PRDX2: variants seen among roughly 807,000 people sequenced by gnomAD.
PRDX2 encodes peroxiredoxin-2.
Under a neutral mutation model 19.8 loss-of-function variants are expected in PRDX2, and 10 were observed. The ratio of observed to expected loss-of-function variants is 0.50; its 90% CI spans 0.31 to 0.86. The LOEUF (loss-of-function observed/expected upper bound fraction) is 0.86. PRDX2 is among the 40% of genes least tolerant of loss of function. PRDX2 has a pLI of 0.04. For missense variants in PRDX2, 226 were observed against 260.1 expected (o/e 0.87, Z 0.90); for synonymous variants, 118 against 108.2 (o/e 1.09, Z -0.56).
intron 5 of PRDX2, among the ~76,000 whole-genome samples, chr19:12,798,152 C>G (rs1014734516): frequency 6.6e-6 from 1 of 151,212 alleles, no homozygotes; most frequent in African/African-American, 2.4e-5. Flanking sequence ...TCACGCCATT[C>G]TCCTACCTCA....
rs574578933 is a variant in PRDX2 at position 12,800,063 on chromosome 19, C to A, written c.381-74G>T. ...GAGACAAGGAAGGGACTACCAACCA[C>A]CCGCTGCTAGCCACAGGGCTGGGGG... is the stretch of plus-strand genomic sequence containing the variant. On this transcript the variant is annotated intron_variant, in intron 4 of 5. Coordinates refer to ENST00000301522, the MANE Select transcript of PRDX2 (RefSeq NM_005809.6). 6.6e-5 allele frequency: 106 copies of A among 1,600,276 alleles called. No individual in the cohort carries two copies. The African/African-American group carries it at 1.3e-3, about 19-fold the overall frequency.
intron 5 of PRDX2, among the ~76,000 whole-genome samples, chr19:12,799,164 G>A (rs1042209321): frequency 6.6e-6 from 1 of 151,888 alleles, no homozygotes; most frequent in African/African-American, 2.4e-5. Flanking sequence ...CTCCCAAAGT[G>A]CTGGGATTAC....
rs534044309 is a variant in PRDX2, at chr19:12,797,169, G to A, written c.512-3C>T. On this transcript the variant is annotated splice_polypyrimidine_tract_variant and splice_region_variant and intron_variant, in intron 5 of 5. Transcript: ENST00000301522. Reference sequence around the variant, plus strand: ...AGGCTTCCAGCCAGCGGGACAAACTGTGGGAAGACACAAGGATGCACATGA... The same window carrying A: ...AGGCTTCCAGCCAGCGGGACAAACTATGGGAAGACACAAGGATGCACATGA... 6.2e-7 allele frequency: 1 copy of A among 1,613,688 alleles called. No individual in the cohort carries two copies. Among genetic ancestry groups the A allele is most frequent in the African/African-American group, 1.3e-5 (1 of 75,052 alleles).
chr19:12,801,118 CGGCCCCGCTTCTACCTG>C, intron 2 of PRDX2, 24 bp downstream of exon 2: 5 of 1,613,662 alleles, frequency 3.1e-6, no homozygotes, highest in Non-Finnish European at 4.2e-6. Flanking sequence ...CTCTCATGCA[CGGCCCCGCTTCTACCTG>C]GGCCCCCTCC....
At position 12,799,870 on chromosome 19, in the gene PRDX2, T is replaced by C; in HGVS notation, c.500A>G (p.Glu167Gly). The C allele has an allele frequency of 1.2e-6, 2 of 1,612,516 alleles. No homozygotes were observed. The highest frequency in any genetic ancestry group is 1.7e-6 in the Non-Finnish European group (2 of 1,179,836). Reference protein sequence around the residue: ...RLVQAFQYTDEHGEVCPAGWK... With the variant: ...RLVQAFQYTDGHGEVCPAGWK... ...GTGTATCTGCTCACCTTCCCCATGCTCGTCTGTGTACTGGAAGGCCTGGAC... is the reference window on the plus strand; with the variant it reads ...GTGTATCTGCTCACCTTCCCCATGCCCGTCTGTGTACTGGAAGGCCTGGAC... The change falls in exon 5 of 6, where the codon GAG becomes GGG. Residue 167 changes from glutamate (E) to glycine (G), a missense_variant. By Grantham distance (98) the Glu-to-Gly change is moderately conservative. Coordinates refer to ENST00000301522, the MANE Select transcript of PRDX2 (RefSeq NM_005809.6).
In PRDX2 at chr19:12,801,156, C is replaced by A; in HGVS notation, c.103+3G>T. 6.2e-7 allele frequency: 1 copy of A among 1,613,996 alleles called. No homozygotes were observed. The highest frequency in any genetic ancestry group is 1.1e-5 in the South Asian group (1 of 91,080). On this transcript the variant is annotated splice_donor_region_variant and intron_variant, in intron 2 of 5. Transcript: ENST00000301522. ...ACCTGGGCCCCCTCCGGGCGGCGCTCACCTTTGTAGTCCGACAGCTTCACC... is the reference window on the plus strand; with the variant it reads ...ACCTGGGCCCCCTCCGGGCGGCGCTAACCTTTGTAGTCCGACAGCTTCACC...
chr19:12,801,146 G>T lies in PRDX2; in HGVS notation c.103+13C>A. On this transcript the variant is annotated intron_variant, in intron 2 of 5. Coordinates refer to ENST00000301522, the MANE Select transcript of PRDX2 (RefSeq NM_005809.6). Reference sequence around the variant, plus strand: ...CCCCGCTTCTACCTGGGCCCCCTCCGGGCGGCGCTCACCTTTGTAGTCCGA... The same window carrying T: ...CCCCGCTTCTACCTGGGCCCCCTCCTGGCGGCGCTCACCTTTGTAGTCCGA... 1 of 1,613,898 alleles carries T rather than the reference G, an allele frequency of 6.2e-7. No homozygotes were observed. Among genetic ancestry groups the T allele is most frequent in the Non-Finnish European group, 8.5e-7 (1 of 1,179,982 alleles).
Position 12,800,162 on chromosome 19 carries a change from AG to A in PRDX2, c.380+14del. The stretch of plus-strand genomic sequence containing the variant: ...GCAGGGCGCTCCCTGAGCCGGGCTG[AG>A]GGTCCCACAGTACCTGTAGGCAATG... On this transcript the variant is annotated intron_variant, in intron 4 of 5. Transcript: ENST00000301522. The A allele has an allele frequency of 6.2e-7, 1 of 1,612,290 alleles. No homozygotes were observed. Among genetic ancestry groups the A allele is most frequent in the Non-Finnish European group, 8.5e-7 (1 of 1,178,884 alleles).
chr19:12,801,322 C>A, intron 1 of PRDX2, 52 bp from the exon 2 acceptor site: 5 of 1,540,740 alleles, frequency 3.2e-6, no homozygotes, highest in Non-Finnish European at 3.5e-6. Context: ...GTCCTCCCAA[C>A]CCAAGGTCGC....
chr19:12,801,066 T>C lies in PRDX2; in HGVS notation c.107A>G (p.Lys36Arg). The part of the protein sequence containing the change: ...KEVKLSDYKG[K>R]YVVLFFYPLD... ...AGGGTAGAAAAAGAGGACCACGTAC[T>C]TCCCTGGGGAGGAGGGACACAGAGG... The change falls in exon 3 of 6, where the codon AAG becomes AGG. Residue 36 changes from lysine (K) to arginine (R), a missense_variant. Physicochemically the swap from Lys to Arg is conservative, Grantham distance 26. Coordinates refer to ENST00000301522, the MANE Select transcript of PRDX2 (RefSeq NM_005809.6). 1.9e-6 allele frequency: 3 copies of C among 1,610,670 alleles called. No individual in the cohort carries two copies. Among genetic ancestry groups the C allele is most frequent in the East Asian group, 2.2e-5 (1 of 44,806 alleles).
At position 12,801,270 on chromosome 19, in the gene PRDX2, G is replaced by A. The variant is rs1968892627; in HGVS notation, c.-9C>T. On this transcript the variant is annotated splice_region_variant and 5_prime_UTR_variant, in exon 2 of 6. Transcript: ENST00000301522. ...GCGTTACCGGAGGCCATGACTGAAAGCTGAGACCCCCGCCCGGTCAGTGCG... is the reference window on the plus strand; with the variant it reads ...GCGTTACCGGAGGCCATGACTGAAAACTGAGACCCCCGCCCGGTCAGTGCG... 6.2e-7 allele frequency: 1 copy of A among 1,608,938 alleles called. No homozygotes were observed. The highest frequency in any genetic ancestry group is 1.3e-5 in the African/African-American group (1 of 74,820).
chr19:12,801,075 G>A lies in PRDX2; in HGVS notation c.104-6C>T, dbSNP rs901059906. ...AAAGAGGACCACGTACTTCCCTGGG[G>A]AGGAGGGACACAGAGGAGTTAGGGC... On this transcript the variant is annotated splice_polypyrimidine_tract_variant and splice_region_variant and intron_variant, in intron 2 of 5. Coordinates refer to ENST00000301522, the MANE Select transcript of PRDX2 (RefSeq NM_005809.6). 1.2e-6 allele frequency: 2 copies of A among 1,611,784 alleles called. No individual in the cohort carries two copies. The highest frequency in any genetic ancestry group is 1.1e-5 in the South Asian group (1 of 91,024).
At chr19:12,801,322 C>T (rs1968893975) in intron 1 of PRDX2, 52 bp from the exon 2 acceptor site, 2 of 1,540,622 alleles carry the variant, frequency 1.3e-6, no homozygotes, top group African/African-American at 1.4e-5. Flanking sequence ...GTCCTCCCAA[C>T]CCAAGGTCGC....
chr19:12,798,940 C>T (rs893980195), intron 5 of PRDX2, among the ~76,000 whole-genome samples: 8 of 151,350 alleles, frequency 5.3e-5, no homozygotes, highest in Admixed American at 2.6e-4. Context: ...CTCACACTGG[C>T]GCCCAGGCTG....
rs950830776 is a variant in PRDX2, at chr19:12,800,707, G to C, written c.257+209C>G. The stretch of plus-strand genomic sequence containing the variant: ...ATAGAGTAGATAGAGTTGCATCTGA[G>C]TTGCATCTGCAACTCTATATACCAG... On this transcript the variant is annotated intron_variant, in intron 3 of 5. Coordinates refer to ENST00000301522, the MANE Select transcript of PRDX2 (RefSeq NM_005809.6). 9 of 1,472,664 alleles carry C rather than the reference G, an allele frequency of 6.1e-6. No homozygotes were observed. In the Admixed American group the frequency reaches 7.3e-5, roughly 12 times the overall value. The allele number at this position is 1,472,664 out of a possible 1,614,324, so 91.2% of individuals were successfully genotyped here.
Position 12,800,205 on chromosome 19 carries a change from G to A in PRDX2, c.352C>T (p.Leu118=), listed in dbSNP as rs774634368. 3 of 1,613,792 alleles carry A rather than the reference G, an allele frequency of 1.9e-6. No homozygotes were observed. Among genetic ancestry groups the A allele is most frequent in the East Asian group, 2.2e-5 (1 of 44,902 alleles). The change falls in exon 4 of 6, where the codon CTG becomes TTG. Residue 118 remains leucine (L), a synonymous_variant. Transcript: ENST00000301522. ...TAGGCAATGCCCTCATCTGTTTTCA[G>A]CACGCCGTAATCCTCAGACAAGCGT... ...TRRLSEDYGV[L]KTDEGIAYRG... is the part of the protein sequence containing the mutation.
rs749720953 is a variant in PRDX2 at position 12,797,159 on chromosome 19, G to A, written c.519C>T (p.Pro173=). Residue 173 remains proline (P), a synonymous_variant, in exon 6 of 6, where the codon CCC becomes CCT. Coordinates refer to ENST00000301522, the MANE Select transcript of PRDX2 (RefSeq NM_005809.6). ...TGTCACTGCCAGGCTTCCAGCCAGC[G>A]GGACAAACTGTGGGAAGACACAAGG... ...QYTDEHGEVC[P]AGWKPGSDTI... The A allele has an allele frequency of 1.9e-5, 30 of 1,613,914 alleles. No individual in the cohort carries two copies. The highest frequency in any genetic ancestry group is 2.1e-5 in the Non-Finnish European group (25 of 1,179,862).
At position 12,801,149 on chromosome 19, in the gene PRDX2, C is replaced by A. The variant is rs1217663436; in HGVS notation, c.103+10G>T. 1.2e-6 allele frequency: 2 copies of A among 1,613,918 alleles called. No individual in the cohort carries two copies. The highest frequency in any genetic ancestry group is 2.2e-5 in the East Asian group (1 of 44,880). On this transcript the variant is annotated intron_variant, in intron 2 of 5. Coordinates refer to ENST00000301522, the MANE Select transcript of PRDX2 (RefSeq NM_005809.6). The stretch of plus-strand genomic sequence containing the variant: ...CGCTTCTACCTGGGCCCCCTCCGGG[C>A]GGCGCTCACCTTTGTAGTCCGACAG...
Position 12,799,140 on chromosome 19 carries a change from C to T in PRDX2, c.511+719G>A, listed in dbSNP as rs565285792. ...GGTCTCAAACTCCTGACCTCATGAT[C>T]TGCCCGCCTCGGCCTCCCAAAGTGC... On this transcript the variant is annotated intron_variant, in intron 5 of 5. Coordinates refer to ENST00000301522, the MANE Select transcript of PRDX2 (RefSeq NM_005809.6). Among the ~76,000 whole-genome samples, 339 of 151,684 alleles carry T rather than the reference C, an allele frequency of 2.2e-3. 3 individuals carry two copies. Among genetic ancestry groups the T allele is most frequent in the African/African-American group, 7.8e-3 (322 of 41,340 alleles).
Sources: gnomAD v4.1 joint callset for allele counts (sites outside exome capture counted in the v4.1 genomes callset) on GRCh38, gnomAD v4.1.1 for gene constraint, MANE v1.5 for transcripts, NCBI Gene and HGNC (gene_info 2026-07-23, HGNC 2026-07-21) for gene names.